Variants in STK32C observed in about 807,000 individuals in gnomAD.
STK32C encodes serine/threonine-protein kinase 32C.
Under a neutral mutation model 56.5 loss-of-function variants are expected in STK32C, and 31 were observed. The observed-to-expected ratio is 0.55, with a 90% CI of 0.41 to 0.74. STK32C has a LOEUF of 0.74. Ranked by LOEUF, STK32C falls within the 30% of genes least tolerant of loss-of-function variation. The probability of loss-of-function intolerance (pLI) is 0.00; values close to 1 mark genes in which losing one functional copy is unlikely to be tolerated. For missense variants in STK32C, 544 were observed against 676.9 expected, an observed-to-expected ratio of 0.80 and a Z score of 2.18; for synonymous variants, 309 against 289.4, an observed-to-expected ratio of 1.07 and a Z score of -0.69.
intron 1 of STK32C, among the ~76,000 whole-genome samples, chr10:132,261,382 A>C (rs2064301810): frequency 6.6e-6 from 1 of 152,350 alleles, no homozygotes; most frequent in African/African-American, 2.4e-5. Context: ...TCCCATTTAC[A>C]ACAGCCAAAA....
In STK32C at chr10:132,222,759, T is replaced by A. The variant is rs775821255; in HGVS notation, c.1133A>T (p.His378Leu). ...CTCCAGCTCAAAGGTGGGGTCGCAG[T>A]GCAGACGGCCTTTCTACAGAGGGAT... ...PGFVPNKGRL[H>L]CDPTFELEEM... The change falls in exon 10 of 12, where the codon CAC (histidine) becomes CTC (leucine). Residue 378 changes from histidine (H) to leucine (L), a missense_variant. By Grantham distance (99) the His-to-Leu change is moderately conservative. Transcript: ENST00000298630. The A allele has an allele frequency of 6.2e-7, 1 of 1,604,074 alleles. No individual in the cohort carries two copies. Among genetic ancestry groups the A allele is most frequent in the Non-Finnish European group, 8.5e-7 (1 of 1,175,672 alleles).
chr10:132,290,670 T>G (rs2065536105), intron 1 of STK32C, among the ~76,000 whole-genome samples: 1 of 152,198 alleles, frequency 6.6e-6, no homozygotes, highest in South Asian at 2.1e-4. Context: ...CAGCATGCTG[T>G]GTCCTGAGGC....
intron 1 of STK32C, among the ~76,000 whole-genome samples, chr10:132,259,038 C>A (rs1232060337): frequency 7.9e-6 from 1 of 126,240 alleles, no homozygotes; most frequent in African/African-American, 3.8e-5. Flanking sequence ...GCTGCTGCAC[C>A]GGGTACTGGG....
rs1228118824 is a variant in STK32C, at chr10:132,225,230, T to C, written c.876+3A>G. 4 of 1,605,696 alleles carry C rather than the reference T, an allele frequency of 2.5e-6. No individual in the cohort carries two copies. The highest frequency in any genetic ancestry group is 1.7e-4 in the Middle Eastern group (1 of 6,030). ...AAGCCCAGGGGCTGCAGGGGGTCCA[T>C]ACCCATCCTCGCAGCAGCTCATAGG... On this transcript the variant is annotated splice_donor_region_variant and intron_variant, in intron 7 of 11. Coordinates refer to ENST00000298630, the MANE Select transcript of STK32C (RefSeq NM_173575.4).
chr10:132,259,403 C>T (rs920167891), intron 1 of STK32C, among the ~76,000 whole-genome samples: 2 of 151,704 alleles, frequency 1.3e-5, no homozygotes, highest in African/African-American at 2.4e-5. Context: ...ACTGGGTCAA[C>T]GGGGCGGAGA....
intron 1 of STK32C, among the ~76,000 whole-genome samples, chr10:132,299,927 G>A (rs1276078913): frequency 6.6e-6 from 1 of 152,238 alleles, no homozygotes; most frequent in Non-Finnish European, 1.5e-5. Flanking sequence ...GGGACCCAGG[G>A]CGCTGGCACA....
At chr10:132,237,820 A>C (rs1458106010) in intron 2 of STK32C, among the ~76,000 whole-genome samples, 1 of 152,224 alleles carries the variant, frequency 6.6e-6, no homozygotes, top group Non-Finnish European at 1.5e-5. Flanking sequence ...CAGGGAGAGC[A>C]GGATCCCCCT....
Position 132,209,136 on chromosome 10 carries a change from C to T in STK32C, c.1252-35G>A, listed in dbSNP as rs537128970. 12 of 1,597,672 alleles carry T rather than the reference C, an allele frequency of 7.5e-6. No homozygotes were observed. In the East Asian group the frequency reaches 1.1e-4, roughly 15 times the overall value. On this transcript the variant is annotated intron_variant, in intron 10 of 11. Transcript: ENST00000298630. ...GAAAGGCACACGTGAGCGTGGGGGA[C>T]GCTGTCCAGGTTCCGCCCATGTCCC...
intron 1 of STK32C, among the ~76,000 whole-genome samples, chr10:132,329,742 A>G (rs1377672520): frequency 6.6e-6 from 1 of 152,194 alleles, no homozygotes; most frequent in Non-Finnish European, 1.5e-5. Flanking sequence ...AACAAGAATT[A>G]TGTCAGGGTG....
intron 1 of STK32C, among the ~76,000 whole-genome samples, chr10:132,301,259 C>T (rs2065903477): frequency 6.6e-6 from 1 of 151,366 alleles, no homozygotes; most frequent in Non-Finnish European, 1.5e-5. Flanking sequence ...TTCCCGACAC[C>T]AAGTAGAAGG....
chr10:132,242,314 G>A (rs1351923999), intron 2 of STK32C, among the ~76,000 whole-genome samples: 2 of 152,102 alleles, frequency 1.3e-5, no homozygotes, highest in Admixed American at 6.5e-5. Context: ...CGAGTGGGGG[G>A]AGTGCAGCAG....
Position 132,259,809 on chromosome 10 carries a change from G to A in STK32C, c.263-13854C>T, listed in dbSNP as rs531608830. Reference sequence around the variant, plus strand: ...GAAACCATGGCCGGCATTCCGGAGCGGCCCCTGCAGTTTCCCTGTGACACT... The same window carrying A: ...GAAACCATGGCCGGCATTCCGGAGCAGCCCCTGCAGTTTCCCTGTGACACT... On this transcript the variant is annotated intron_variant, in intron 1 of 11. Transcript: ENST00000298630. 1.2e-4 allele frequency among the ~76,000 whole-genome samples: 18 copies of A among 152,342 alleles called. No individual in the cohort carries two copies. The South Asian group carries it at 1.7e-3, about 14-fold the overall frequency.
chr10:132,293,964 G>A (rs992785905), intron 1 of STK32C, among the ~76,000 whole-genome samples: 1 of 152,088 alleles, frequency 6.6e-6, no homozygotes, highest in Non-Finnish European at 1.5e-5. Context: ...GGAGCTCAGA[G>A]GTGGGCACAG....
At chr10:132,260,297 CGGGG>C (rs2064259979) in intron 1 of STK32C, among the ~76,000 whole-genome samples, 1 of 152,168 alleles carries the variant, frequency 6.6e-6, no homozygotes. Context: ...GAGTCCGGCC[CGGGG>C]TCCTCGCAGG....
At position 132,255,312 on chromosome 10, in the gene STK32C, C is replaced by T. The variant is rs1017494012; in HGVS notation, c.263-9357G>A. Reference sequence around the variant, plus strand: ...GCCAGGTGGAAGAGTTGGAACCGGCCCGATAGCTCCTCCTGGCAATGGGTG... The same window carrying T: ...GCCAGGTGGAAGAGTTGGAACCGGCTCGATAGCTCCTCCTGGCAATGGGTG... On this transcript the variant is annotated intron_variant, in intron 1 of 11. Transcript: ENST00000298630. The surrounding 1 kb of genome is among the most constrained non-coding windows in gnomAD (Gnocchi z 4.6). 6.6e-6 allele frequency among the ~76,000 whole-genome samples: 1 copy of T among 152,110 alleles called. No individual in the cohort carries two copies. The highest frequency in any genetic ancestry group is 1.5e-5 in the Non-Finnish European group (1 of 68,020).
chr10:132,295,366 G>C (rs1396116921), intron 1 of STK32C, among the ~76,000 whole-genome samples: 1 of 152,214 alleles, frequency 6.6e-6, no homozygotes, highest in African/African-American at 2.4e-5. Context: ...GCCCGAATGT[G>C]AGAAAGTGAT....
At chr10:132,274,968 C>T (rs1040020928) in intron 1 of STK32C, among the ~76,000 whole-genome samples, 4 of 152,182 alleles carry the variant, frequency 2.6e-5, no homozygotes, top group Admixed American at 6.5e-5. Flanking sequence ...AGGTGACAGC[C>T]GGGACAGGGA....
intron 1 of STK32C, among the ~76,000 whole-genome samples, chr10:132,303,643 T>C (rs961620998): frequency 2.0e-5 from 3 of 152,232 alleles, no homozygotes; most frequent in Non-Finnish European, 4.4e-5. Context: ...ACGTGAAATG[T>C]GTTTAGAGCT....
chr10:132,218,280 C>T (rs1007226630), intron 10 of STK32C, among the ~76,000 whole-genome samples: 4 of 151,820 alleles, frequency 2.6e-5, no homozygotes, highest in Non-Finnish European at 5.9e-5. Context: ...CATTGCACCA[C>T]TGCACTCCAG....
Sources: gnomAD v4.1 joint callset for allele counts (sites outside exome capture counted in the v4.1 genomes callset) on GRCh38, gnomAD v4.1.1 for gene constraint, Gnocchi (gnomAD v3.1) non-coding constraint, MANE v1.5 for transcripts, NCBI Gene and HGNC (gene_info 2026-07-23, HGNC 2026-07-21) for gene names.